The following PFKL variants were observed in gnomAD, a reference collection of about 807,000 sequenced individuals.
The protein encoded by PFKL is ATP-dependent 6-phosphofructokinase, liver type.
In PFKL, 74 loss-of-function variants were observed where a neutral mutation model predicts 92.1. The observed-to-expected ratio is 0.80, with a 90% CI of 0.67 to 0.97. The LOEUF (loss-of-function observed/expected upper bound fraction) is 0.97, where lower values mean the gene tolerates loss of function less well. Ranked by LOEUF, PFKL falls within the 50% of genes least tolerant of loss-of-function variation. The probability of loss-of-function intolerance (pLI) is 0.00; values close to 1 mark genes in which losing one functional copy is unlikely to be tolerated. For synonymous variants in PFKL, 494 were observed against 456.4 expected, an observed-to-expected ratio of 1.08 and a Z score of -1.05; for missense variants, 1,028 against 1,116.6, an observed-to-expected ratio of 0.92 and a Z score of 1.13.
intron 14 of PFKL, among the ~76,000 whole-genome samples, chr21:44,322,569 G>T (rs2047384075): frequency 6.6e-6 from 1 of 152,208 alleles, no homozygotes; most frequent in Non-Finnish European, 1.5e-5. Flanking sequence ...GTGGGCATGG[G>T]GTGGGCACAG....
At chr21:44,321,484 CCT>C (rs1446435870) in intron 12 of PFKL, 1 of 341,076 alleles carries the variant, frequency 2.9e-6, no homozygotes, top group East Asian at 4.6e-5. Flanking sequence ...CCTTCTGCCT[CCT>C]CTGTTGCCTG....
intron 16 of PFKL, 125 bp from the exon 17 acceptor site, chr21:44,324,366 C>A: frequency 1.1e-6 from 1 of 948,934 alleles, no homozygotes; most frequent in Non-Finnish European, 1.6e-6. Context: ...GTGCTGCTGG[C>A]TGTCTGGGTG....
chr21:44,325,764 T>G, intron 19 of PFKL, 197 bp from the exon 20 acceptor site: 1 of 579,886 alleles, frequency 1.7e-6, no homozygotes, highest in Non-Finnish European at 3.1e-6. Context: ...GGAGGCAGCT[T>G]CTGGCCTGGA....
At chr21:44,314,111 A>G (rs1307143773) in intron 7 of PFKL, 90 bp downstream of exon 7, 4 of 848,350 alleles carry the variant, frequency 4.7e-6, no homozygotes, top group Non-Finnish European at 7.6e-6. Flanking sequence ...TGACCAACTC[A>G]TCTATCACTC....
chr21:44,306,540 C>T, intron 1 of PFKL, 141 bp from the exon 2 acceptor site: 1 of 691,682 alleles, frequency 1.4e-6, no homozygotes, highest in South Asian at 1.8e-5. Context: ...AGGAGGGTGA[C>T]CAGGGCCTTC....
In PFKL at chr21:44,326,925, A is replaced by G; in HGVS notation, c.*63A>G. 2 of 1,457,274 alleles carry G rather than the reference A, an allele frequency of 1.4e-6. No individual in the cohort carries two copies. Among genetic ancestry groups the G allele is most frequent in the South Asian group, 2.4e-5 (2 of 82,976 alleles). 90.3% of individuals were successfully genotyped at this position (1,457,274 alleles called of 1,614,324 possible). ...ATGCCAGCGCAGCGCCAGGGCTCAGATGGGGCCTGGGCTGTTGTGTCTGGA... is the reference window on the plus strand; with the variant it reads ...ATGCCAGCGCAGCGCCAGGGCTCAGGTGGGGCCTGGGCTGTTGTGTCTGGA... On this transcript the variant is annotated 3_prime_UTR_variant, in exon 22 of 22. Transcript: ENST00000349048.
At chr21:44,322,329 G>T in intron 14 of PFKL, 126 bp downstream of exon 14, 1 of 876,766 alleles carries the variant, frequency 1.1e-6, no homozygotes, top group Non-Finnish European at 1.7e-6. Flanking sequence ...CCTGCTGGTG[G>T]TCTGCCCAGA....
chr21:44,324,520 G>A lies in PFKL; in HGVS notation c.1680G>A (p.Ser560=), dbSNP rs200338906. ...ESCDRIKQSA[S]GTKRRVFIVE... ...GTGACCGCATCAAACAGTCTGCCTC[G>A]GGGACCAAGCGCCGTGTGTTCATCG... is the stretch of plus-strand genomic sequence containing the variant. The change falls in exon 17 of 22, where the codon TCG becomes TCA. Residue 560 remains serine, a synonymous_variant. Transcript: ENST00000349048. 3.5e-5 allele frequency: 56 copies of A among 1,613,366 alleles called. No homozygotes were observed. Among genetic ancestry groups the A allele is most frequent in the Admixed American group, 6.7e-5 (4 of 59,996 alleles).
intron 7 of PFKL, chr21:44,315,994 C>T: frequency 1.9e-6 from 1 of 537,220 alleles, no homozygotes; most frequent in Non-Finnish European, 3.4e-6. Context: ...TCCTCCCCTG[C>T]TGCCCTTCCC....
rs748747939 is a variant in PFKL at position 44,314,029 on chromosome 21, C to T, written c.747+8C>T. On this transcript the variant is annotated splice_region_variant and intron_variant, in intron 7 of 21. Transcript: ENST00000349048. ...TGTGAGAGGCTGGGTGAGGTGGGTG[C>T]CGTCCAGCCTGCTGGGGGCCGCAGG... is the stretch of plus-strand genomic sequence containing the variant. 1.9e-6 allele frequency: 3 copies of T among 1,580,666 alleles called. No homozygotes were observed. The highest frequency in any genetic ancestry group is 1.3e-5 in the African/African-American group (1 of 74,616).
chr21:44,320,111 C>G lies in PFKL; in HGVS notation c.1155C>G (p.Tyr385Ter). The G allele has an allele frequency of 6.2e-7, 1 of 1,613,562 alleles. No individual in the cohort carries two copies. The highest frequency in any genetic ancestry group is 1.1e-5 in the South Asian group (1 of 91,084). The change falls in exon 12 of 22, where the codon TAC (tyrosine) becomes TAG (stop). Residue 385 changes from tyrosine (Y) to a stop codon, truncating the protein, a stop_gained. Transcript: ENST00000349048. LOFTEE classifies it high-confidence loss of function. ...GGSFENNWNI[Y>*]KLLAHQKPPK... ...GCTTCGAGAACAACTGGAACATTTA[C>G]AAGCTCCTCGCCCACCAGAAGCCCC...
chr21:44,322,064 A>G, intron 13 of PFKL, 69 bp from the exon 14 acceptor site: 2 of 1,522,646 alleles, frequency 1.3e-6, no homozygotes, highest in East Asian at 2.3e-5. Context: ...CCCCGGGCAC[A>G]GGCCCACCCC....
chr21:44,309,709 A>G (rs935949893), intron 2 of PFKL, among the ~76,000 whole-genome samples: 2 of 151,956 alleles, frequency 1.3e-5, no homozygotes, highest in African/African-American at 2.4e-5. Context: ...TGGGTTTGGG[A>G]TCATTTTCCT....
At position 44,316,503 on chromosome 21, in the gene PFKL, C is replaced by G; in HGVS notation, c.915C>G (p.Pro305=). 1 of 1,602,462 alleles carries G rather than the reference C, an allele frequency of 6.2e-7. No homozygotes were observed. Among genetic ancestry groups the G allele is most frequent in the Non-Finnish European group, 8.5e-7 (1 of 1,172,946 alleles). ...GCCACGTGCAGCGGGGAGGGACGCCCTCTGCCTTCGACCGGATCCTGGTAA... is the reference window on the plus strand; with the variant it reads ...GCCACGTGCAGCGGGGAGGGACGCCGTCTGCCTTCGACCGGATCCTGGTAA... ...VLGHVQRGGT[P]SAFDRILSSK... is the part of the protein sequence containing the mutation. The change falls in exon 9 of 22, where the codon CCC becomes CCG. Residue 305 remains proline, a synonymous_variant. Coordinates refer to ENST00000349048, the MANE Select transcript of PFKL (RefSeq NM_002626.6).
Position 44,303,422 on chromosome 21 carries a change from AC to A in PFKL, c.85+3233del, listed in dbSNP as rs1568939543. ...CGAGACTCTGTCTCAAAAAAAAAAA[AC>A]AGACTTGACCAAAAAAAAAAAAAAA... is the stretch of plus-strand genomic sequence containing the variant. On this transcript the variant is annotated intron_variant, in intron 1 of 21. Coordinates refer to ENST00000349048, the MANE Select transcript of PFKL (RefSeq NM_002626.6). 2.5e-4 allele frequency among the ~76,000 whole-genome samples: 23 copies of A among 92,296 alleles called. 1 individual carries two copies. The highest frequency in any genetic ancestry group is 5.0e-4 in the African/African-American group (9 of 17,942). 60.5% of individuals were successfully genotyped at this position (92,296 alleles called of 152,430 possible).
At chr21:44,306,906 C>A in intron 2 of PFKL, 152 bp downstream of exon 2, 1 of 700,442 alleles carries the variant, frequency 1.4e-6, no homozygotes, top group South Asian at 1.7e-5. Context: ...TGAGGGGGAG[C>A]TTGGGGCCAG....
In PFKL at chr21:44,312,438, G is replaced by A. The variant is rs539650670; in HGVS notation, c.427+144G>A. The A allele has an allele frequency of 1.1e-4, 81 of 744,816 alleles. 2 individuals carry two copies. In the South Asian group the frequency reaches 1.6e-3, roughly 15 times the overall value. The allele number at this position is 744,816 out of a possible 1,614,324, so 46.1% of individuals were successfully genotyped here. On this transcript the variant is annotated intron_variant, in intron 4 of 21. Coordinates refer to ENST00000349048, the MANE Select transcript of PFKL (RefSeq NM_002626.6). ...GGCTGTCTGGCCGTTGGCCGGGGAG[G>A]AGTAGTGTCTGCCAGCACGAGCTCA...
In PFKL at chr21:44,304,568, G is replaced by A. The variant is rs1355634817; in HGVS notation, c.86-2113G>A. 4.5e-6 allele frequency: 5 copies of A among 1,113,114 alleles called. No individual in the cohort carries two copies. The Admixed American group carries it at 1.5e-4, about 33-fold the overall frequency. 69.0% of individuals were successfully genotyped at this position (1,113,114 alleles called of 1,614,324 possible). On this transcript the variant is annotated intron_variant, in intron 1 of 21. Coordinates refer to ENST00000349048, the MANE Select transcript of PFKL (RefSeq NM_002626.6). ...ATCTCCCTCACTGCCCCCAACTCCAGTGAGGGTGGGGGACAGGGCGCTGCA... is the reference window on the plus strand; with the variant it reads ...ATCTCCCTCACTGCCCCCAACTCCAATGAGGGTGGGGGACAGGGCGCTGCA...
chr21:44,310,051 G>A (rs1341358944), intron 2 of PFKL, among the ~76,000 whole-genome samples: 2 of 152,232 alleles, frequency 1.3e-5, no homozygotes, highest in Non-Finnish European at 2.9e-5. Flanking sequence ...GCTGGCATCC[G>A]CCCTGGCCGA....
Sources: allele counts gnomAD v4.1 joint callset (sites outside exome capture counted in the v4.1 genomes callset), GRCh38; gene constraint gnomAD v4.1.1; transcripts MANE v1.5; gene names NCBI Gene and HGNC (gene_info 2026-07-23, HGNC 2026-07-21).